PIP5K1B: variants seen among roughly 807,000 people sequenced by gnomAD.
PIP5K1B encodes the protein phosphatidylinositol 4-phosphate 5-kinase type-1 beta.
In PIP5K1B, 42 loss-of-function variants were observed where a neutral mutation model predicts 67.0. That is an observed-to-expected ratio of 0.63 (90% CI 0.49 to 0.81). The LOEUF (loss-of-function observed/expected upper bound fraction) is 0.81, where lower values mean the gene tolerates loss of function less well. Among genes scored for constraint, PIP5K1B ranks in the 30% least tolerant of loss-of-function variants. The pLI, the probability that PIP5K1B is intolerant of heterozygous loss-of-function variation, is 0.00. For missense variants in PIP5K1B, 459 were observed against 646.3 expected (o/e 0.71, Z 3.14); for synonymous variants, 214 against 231.4 (o/e 0.92, Z 0.68).
chr9:68,965,135 A>G (rs1828951713), intron 14 of PIP5K1B, among the ~76,000 whole-genome samples: 1 of 151,958 alleles, frequency 6.6e-6, no homozygotes, highest in Non-Finnish European at 1.5e-5. Flanking sequence ...ACACTACTTT[A>G]CCTCCCTGCA....
chr9:68,932,014 A>G (rs897166432), intron 12 of PIP5K1B, among the ~76,000 whole-genome samples: 16 of 152,166 alleles, frequency 1.1e-4, no homozygotes, highest in African/African-American at 3.4e-4. Flanking sequence ...TTGTGGTGCT[A>G]TGTGGTCTTG....
chr9:68,809,265 C>T (rs1833032025), intron 2 of PIP5K1B, among the ~76,000 whole-genome samples: 1 of 151,316 alleles, frequency 6.6e-6, no homozygotes, highest in Non-Finnish European at 1.5e-5. Flanking sequence ...TAAACCTTTG[C>T]TTTCTCCTGC....
intron 14 of PIP5K1B, among the ~76,000 whole-genome samples, chr9:68,949,778 G>A (rs571236384): frequency 2.0e-5 from 3 of 152,344 alleles, no homozygotes; most frequent in Admixed American, 6.5e-5. Context: ...GCGCCGACAC[G>A]TGGTGGAAGA....
At chr9:68,826,586 A>T (rs1833997844) in intron 4 of PIP5K1B, among the ~76,000 whole-genome samples, 1 of 152,170 alleles carries the variant, frequency 6.6e-6, no homozygotes, top group Admixed American at 6.5e-5. Flanking sequence ...CTGTTGGTGT[A>T]AAAAAGTGAG....
chr9:68,797,812 CGTTTTGTTTT>C (rs61645708), intron 2 of PIP5K1B, among the ~76,000 whole-genome samples: 1,751 of 151,286 alleles, frequency 0.012, 15 homozygotes, highest in Non-Finnish European at 0.016. Flanking sequence ...TCACTGTGCC[CGTTTTGTTTT>C]GTTTTGTTTT....
intron 2 of PIP5K1B, among the ~76,000 whole-genome samples, chr9:68,817,991 C>T (rs915546168): frequency 1.3e-5 from 2 of 152,124 alleles, no homozygotes; most frequent in Non-Finnish European, 2.9e-5. Flanking sequence ...CTAATCAACC[C>T]TTATGGAAAT....
chr9:68,930,899 A>G (rs1826962563), intron 12 of PIP5K1B, among the ~76,000 whole-genome samples: 1 of 152,160 alleles, frequency 6.6e-6, no homozygotes, highest in Non-Finnish European at 1.5e-5. Flanking sequence ...CAATGAATGA[A>G]TGGAATTTTT....
At chr9:68,735,384 C>T (rs1828688553) in intron 1 of PIP5K1B, among the ~76,000 whole-genome samples, 1 of 115,680 alleles carries the variant, frequency 8.6e-6, no homozygotes, top group South Asian at 3.1e-4. Context: ...TGGAATACCA[C>T]GTTATATTTG....
rs1000216292 is a variant in PIP5K1B at position 68,788,239 on chromosome 9, C to T, written c.-85-30222C>T. On this transcript the variant is annotated intron_variant, in intron 2 of 15. Coordinates refer to ENST00000265382, the MANE Select transcript of PIP5K1B (RefSeq NM_003558.4). ...GAGGGGACTGTCCTAGGAGACAGGC[C>T]GATACTTTTTACTTTTAGATAAGAA... 2.4e-5 allele frequency: 10 copies of T among 420,340 alleles called. 1 individual carries two copies. The highest frequency in any genetic ancestry group is 1.3e-4 in the African/African-American group (6 of 47,260). The allele number at this position is 420,340 out of a possible 1,614,324, so 26.0% of individuals were successfully genotyped here.
chr9:69,003,118 T>A (rs1286230688), intron 15 of PIP5K1B, among the ~76,000 whole-genome samples: 4 of 152,062 alleles, frequency 2.6e-5, no homozygotes, highest in Admixed American at 6.6e-5. Context: ...TTTGTGGTGA[T>A]GTGTGAGTTT....
At chr9:68,823,867 T>C (rs1433956002) in intron 4 of PIP5K1B, among the ~76,000 whole-genome samples, 1 of 152,234 alleles carries the variant, frequency 6.6e-6, no homozygotes, top group African/African-American at 2.4e-5. Context: ...ATGTATTTTC[T>C]ATTCCATTTT....
At position 68,830,517 on chromosome 9, in the gene PIP5K1B, G is replaced by A. The variant is rs114397941; in HGVS notation, c.69+7834G>A. On this transcript the variant is annotated intron_variant, in intron 4 of 15. Transcript: ENST00000265382. ...TCTTTCAGCATTCGCTTTGGAGGGG[G>A]CCTCCATATGTTAAGTTACCCAGGT... Among the ~76,000 whole-genome samples the A allele has an allele frequency of 8.5e-3, 1,300 of 152,268 alleles. 26 individuals are homozygous for A. Among genetic ancestry groups the A allele is most frequent in the African/African-American group, 0.03 (1,231 of 41,538 alleles).
At chr9:68,985,502 T>A (rs1302801649) in intron 14 of PIP5K1B, among the ~76,000 whole-genome samples, 2 of 152,214 alleles carry the variant, frequency 1.3e-5, no homozygotes, top group African/African-American at 2.4e-5. Flanking sequence ...TCCACCTGCC[T>A]CGGCCTCCCA....
Position 68,834,126 on chromosome 9 carries a change from C to G in PIP5K1B, c.69+11443C>G, listed in dbSNP as rs150118174. Among the ~76,000 whole-genome samples the G allele has an allele frequency of 2.0e-5, 3 of 152,344 alleles. No individual in the cohort carries two copies. The East Asian group carries it at 5.8e-4, about 29-fold the overall frequency. On this transcript the variant is annotated intron_variant, in intron 4 of 15. Coordinates refer to ENST00000265382, the MANE Select transcript of PIP5K1B (RefSeq NM_003558.4). ...TCACTGCCTTATTATCTTCCATTGGCCTTCTGGTACCTTCAGAAAATATCC... is the reference window on the plus strand; with the variant it reads ...TCACTGCCTTATTATCTTCCATTGGGCTTCTGGTACCTTCAGAAAATATCC...
chr9:68,997,370 C>T (rs977490473), intron 15 of PIP5K1B, among the ~76,000 whole-genome samples: 4 of 152,094 alleles, frequency 2.6e-5, no homozygotes, highest in Non-Finnish European at 4.4e-5. Flanking sequence ...AGCCAGTATC[C>T]GCTGCTTCAA....
intron 1 of PIP5K1B, among the ~76,000 whole-genome samples, chr9:68,721,932 G>T (rs1049047833): frequency 6.6e-6 from 1 of 152,110 alleles, no homozygotes; most frequent in African/African-American, 2.4e-5. Context: ...TTAAGGAAAT[G>T]GCATCAGATT....
At chr9:68,936,567 T>C (rs898240061) in intron 13 of PIP5K1B, among the ~76,000 whole-genome samples, 12 of 152,194 alleles carry the variant, frequency 7.9e-5, no homozygotes, top group African/African-American at 2.7e-4. Context: ...TTAAGACCTC[T>C]TCTAGGGGTT....
intron 2 of PIP5K1B, among the ~76,000 whole-genome samples, chr9:68,806,112 T>TG (rs1832858914): frequency 6.6e-6 from 1 of 152,218 alleles, no homozygotes; most frequent in Admixed American, 6.5e-5. Context: ...ATAAAGTTCT[T>TG]GCTTTGGATA....
intron 13 of PIP5K1B, among the ~76,000 whole-genome samples, chr9:68,937,157 A>G (rs574308947): frequency 9.9e-5 from 15 of 151,886 alleles, no homozygotes; most frequent in South Asian, 2.1e-4. Context: ...CCCTTTTTCT[A>G]TTGTTTGGAA....
Sources: allele counts gnomAD v4.1 joint callset (sites outside exome capture counted in the v4.1 genomes callset), GRCh38; gene constraint gnomAD v4.1.1; transcripts MANE v1.5; gene names NCBI Gene and HGNC (gene_info 2026-07-23, HGNC 2026-07-21).